Variants in LFNG observed in about 807,000 individuals in gnomAD.
The protein encoded by LFNG is LFNG O-fucosylpeptide 3-beta-N-acetylglucosaminyltransferase, also known as beta-1,3-N-acetylglucosaminyltransferase lunatic fringe.
In LFNG, 15 loss-of-function variants were observed where a neutral mutation model predicts 32.7. That is an observed-to-expected ratio of 0.46 (90% CI 0.31 to 0.71). LFNG has a LOEUF of 0.71. Among genes scored for constraint, LFNG ranks in the 30% least tolerant of loss-of-function variants. LFNG has a pLI of 0.06. For missense variants in LFNG, 520 were observed against 545.7 expected (o/e 0.95, Z 0.47); for synonymous variants, 274 against 246.8 (o/e 1.11, Z -1.03).
Position 2,512,594 on chromosome 7 carries a change from G to A in LFNG, c.-61G>A, listed in dbSNP as rs564040087. On this transcript the variant is annotated 5_prime_UTR_variant, in exon 1 of 9. Transcript: ENST00000402506. ...AGGAGGGAGGACAGAGGCCAAGGCG[G>A]CTCCTGGCCACCCTCGCAGCTTCCT... 134 of 1,495,748 alleles carry A rather than the reference G, an allele frequency of 9.0e-5. 1 individual carries two copies. In the South Asian group the frequency reaches 1.4e-3, roughly 16 times the overall value. 92.7% of individuals were successfully genotyped at this position (1,495,748 alleles called of 1,614,324 possible).
chr7:2,514,168 G>A (rs547044251), upstream of LFNG, among the ~76,000 whole-genome samples: 2 of 152,360 alleles, frequency 1.3e-5, no homozygotes, highest in African/African-American at 2.4e-5. Context: ...GGCCCTGTGC[G>A]GGCTCAGAGG....
At position 2,520,934 on chromosome 7, in the gene LFNG, T is replaced by C. The variant is rs1779769927; in HGVS notation, c.432+641T>C. Among the ~76,000 whole-genome samples, 1 of 152,034 alleles carries C rather than the reference T, an allele frequency of 6.6e-6. No homozygotes were observed. The highest frequency in any genetic ancestry group is 1.5e-5 in the Non-Finnish European group (1 of 68,008). ...TGGGCATCAGCTTCTTACACACACA[T>C]AATTAAGACACACCCCACTTTGAAC... On this transcript the variant is annotated intron_variant, in intron 1 of 7. Coordinates refer to ENST00000222725, the MANE Select transcript of LFNG (RefSeq NM_001040167.2). The surrounding 1 kb of genome is among the most constrained non-coding windows in gnomAD (Gnocchi z 5.0).
At chr7:2,522,568 C>CCCCGGT (rs956668497) in intron 1 of LFNG, among the ~76,000 whole-genome samples, 1 of 57,870 alleles carries the variant, frequency 1.7e-5, no homozygotes, top group Non-Finnish European at 5.9e-5. Flanking sequence ...TGTGGGTGTC[C>CCCCGGT]CCCGGCCCCC....
intron 1 of LFNG, among the ~76,000 whole-genome samples, chr7:2,521,607 C>T (rs957685748): frequency 4.6e-5 from 7 of 152,208 alleles, no homozygotes; most frequent in Non-Finnish European, 8.8e-5. Context: ...GAGCCTGGCC[C>T]CCCCACCCCC....
chr7:2,514,183 C>T (rs921156271), upstream of LFNG, among the ~76,000 whole-genome samples: 26 of 152,238 alleles, frequency 1.7e-4, no homozygotes, highest in Admixed American at 2.0e-4. Flanking sequence ...CAGAGGCCAG[C>T]GGCAGCCCTG....
upstream of LFNG, chr7:2,513,039 T>C (rs368557399): frequency 1.1e-4 from 101 of 936,392 alleles, 1 homozygote; most frequent in East Asian, 1.8e-3. Flanking sequence ...TTTCCAGAAG[T>C]CCCCTGCCTC....
chr7:2,521,190 G>A (rs1779778163), intron 1 of LFNG, among the ~76,000 whole-genome samples: 1 of 152,156 alleles, frequency 6.6e-6, no homozygotes, highest in Non-Finnish European at 1.5e-5. Context: ...GTGGGTGGGT[G>A]GGAGCAGGGC....
chr7:2,519,943 C>G lies in LFNG; in HGVS notation c.82C>G (p.Pro28Ala), dbSNP rs1479181151. The G allele has an allele frequency of 2.0e-6, 2 of 1,017,258 alleles. No individual in the cohort carries two copies. Among genetic ancestry groups the G allele is most frequent in the Non-Finnish European group, 2.3e-6 (2 of 852,914 alleles). 63.0% of individuals were successfully genotyped at this position (1,017,258 alleles called of 1,614,324 possible). A position where few individuals can be genotyped will look rare whatever the true frequency, so the allele number is the denominator to read the frequency against. Residue 28 changes from proline (P) to alanine (A), a missense_variant, in exon 1 of 8, where the codon CCG becomes GCG. Coordinates refer to ENST00000222725, the MANE Select transcript of LFNG (RefSeq NM_001040167.2). ...CTGCCTGCTGGTGCTCACCGCCGAC[C>G]CGCCGCCGCCTCCACTGCCCGCCGA... ...LACLLVLTAD[P>A]PPPPLPAERG...
rs1247712978 is a variant in LFNG at position 2,525,251 on chromosome 7, C to G, written c.514C>G (p.His172Asp). ...GGTCATCACAAACTGCTCGGCCGCC[C>G]ACAGCCGCCAGGCGCTGTCCTGCAA... Reference protein sequence around the residue: ...NVVITNCSAAHSRQALSCKMA... With the variant: ...NVVITNCSAADSRQALSCKMA... Residue 172 changes from histidine (H) to aspartate (D), a missense_variant, in exon 3 of 8, where the codon CAC (histidine) becomes GAC (aspartate). Transcript: ENST00000222725. 6.2e-7 allele frequency: 1 copy of G among 1,612,956 alleles called. No individual in the cohort carries two copies. The highest frequency in any genetic ancestry group is 8.5e-7 in the Non-Finnish European group (1 of 1,179,906).
At chr7:2,516,514 A>G (rs532726561), upstream of LFNG, among the ~76,000 whole-genome samples, 1 of 152,212 alleles carries the variant, frequency 6.6e-6, no homozygotes, top group African/African-American at 2.4e-5. Context: ...CACTGACTCC[A>G]GCAGGAGAAC....
upstream of LFNG, chr7:2,517,550 G>T (rs535444160): frequency 2.5e-6 from 1 of 405,918 alleles, no homozygotes; most frequent in African/African-American, 2.1e-5. Context: ...CGCAGTCAGG[G>T]GTAGCTGGGG....
At chr7:2,517,426 GC>G (rs1297495394), upstream of LFNG, among the ~76,000 whole-genome samples, 4 of 152,046 alleles carry the variant, frequency 2.6e-5, no homozygotes, top group African/African-American at 9.7e-5. Flanking sequence ...CTATGCATGT[GC>G]CCCTGCCAGG....
Position 2,525,523 on chromosome 7 carries a change from G to C in LFNG, c.691G>C (p.Asp231His). ...CGTCTACGTCGGCAAGCCCAGCCTG[G>C]ACAGGCCCATCCAGGCCATGGAGCG... ...RDVYVGKPSL[D>H]RPIQAMERVS... The change falls in exon 4 of 8, where the codon GAC (aspartate) becomes CAC (histidine). Residue 231 changes from aspartate to histidine, a missense_variant. By Grantham distance (81) the Asp-to-His change is moderately conservative. Around this residue, in one of 3 missense-constraint regions of LFNG, gnomAD observed 360 missense variants for 354.7 expected, o/e 1.01. Transcript: ENST00000222725. 6.2e-7 allele frequency: 1 copy of C among 1,612,400 alleles called. No individual in the cohort carries two copies. The highest frequency in any genetic ancestry group is 8.5e-7 in the Non-Finnish European group (1 of 1,179,848).
chr7:2,519,816 A>T lies in LFNG; in HGVS notation c.-46A>T. 1 of 1,042,038 alleles carries T rather than the reference A, an allele frequency of 9.6e-7. No homozygotes were observed. The highest frequency in any genetic ancestry group is 1.2e-6 in the Non-Finnish European group (1 of 864,204). 64.5% of individuals were successfully genotyped at this position (1,042,038 alleles called of 1,614,324 possible). A position where few individuals can be genotyped will look rare whatever the true frequency, so the allele number is the denominator to read the frequency against. On this transcript the variant is annotated 5_prime_UTR_variant, in exon 1 of 8. It adds an upstream start codon to the 5' untranslated region. Coordinates refer to ENST00000222725, the MANE Select transcript of LFNG (RefSeq NM_001040167.2). The stretch of plus-strand genomic sequence containing the variant: ...GAGCGACGGGCTTCGGGTCGGTGCA[A>T]GGCAGGCGCACGGGGAAGGGCGCGC...
At chr7:2,528,877 G>T, downstream of LFNG, 1 of 574,284 alleles carries the variant, frequency 1.7e-6, no homozygotes, top group East Asian at 3.3e-5. Context: ...TTTGCAGGTG[G>T]GGAAACTGAG....
In LFNG at chr7:2,527,646, C is replaced by A; in HGVS notation, c.*434C>A. The stretch of plus-strand genomic sequence containing the variant: ...GTACCTGTGCCCTGAAGTCCTGGCC[C>A]CTGTGTCATAGCCCCAAGTACGACT... On this transcript the variant is annotated 3_prime_UTR_variant, in exon 8 of 8. Coordinates refer to ENST00000222725, the MANE Select transcript of LFNG (RefSeq NM_001040167.2). The surrounding 1 kb of genome is among the most constrained non-coding windows in gnomAD (Gnocchi z 4.4). 8.7e-7 allele frequency: 1 copy of A among 1,149,126 alleles called. No individual in the cohort carries two copies. 71.2% of individuals were successfully genotyped at this position (1,149,126 alleles called of 1,614,324 possible).
chr7:2,516,980 C>T (rs78241899), upstream of LFNG, among the ~76,000 whole-genome samples: 631 of 152,194 alleles, frequency 4.1e-3, 6 homozygotes, highest in African/African-American at 0.014. Context: ...CAGGACCCTA[C>T]GGCCCCAAGA....
At position 2,527,320 on chromosome 7, in the gene LFNG, C is replaced by CTGTGTG. The variant is rs1780019479; in HGVS notation, c.*112_*113insTGTGTG. ...ATTCGAGGCTCCCCTAGGGCCGTGC[C>CTGTGTG]TGTGCGTGTGCGTGTGCGTGTGTGT... On this transcript the variant is annotated 3_prime_UTR_variant, in exon 8 of 8. Coordinates refer to ENST00000222725, the MANE Select transcript of LFNG (RefSeq NM_001040167.2). This position sits in a 1 kb window ranked among gnomAD's most constrained non-coding sequence, Gnocchi z 4.4. The CTGTGTG allele has an allele frequency of 3.3e-6, 5 of 1,512,004 alleles. No homozygotes were observed. Among genetic ancestry groups the CTGTGTG allele is most frequent in the African/African-American group, 1.5e-5 (1 of 68,914 alleles). 93.7% of individuals were successfully genotyped at this position (1,512,004 alleles called of 1,614,324 possible). A position where few individuals can be genotyped will look rare whatever the true frequency, so the allele number is the denominator to read the frequency against.
downstream of LFNG, chr7:2,528,482 A>C: frequency 1.0e-6 from 1 of 966,444 alleles, no homozygotes; most frequent in South Asian, 4.6e-5. Flanking sequence ...CAGGGCAGCC[A>C]GGGTCAGGAG....
Sources: allele counts gnomAD v4.1 joint callset (sites outside exome capture counted in the v4.1 genomes callset), GRCh38; gene constraint gnomAD v4.1.1; regional missense constraint gnomAD v4.1.1; non-coding constraint Gnocchi (gnomAD v3.1); transcripts MANE v1.5; gene names NCBI Gene and HGNC (gene_info 2026-07-23, HGNC 2026-07-21).